Variants in NALCN observed in about 807,000 individuals in gnomAD.
NALCN encodes the protein sodium leak channel NALCN.
NALCN carries 111 observed loss-of-function variants against 225.3 expected under a neutral mutation model. That is an observed-to-expected ratio of 0.49 (90% confidence interval 0.42 to 0.58). The LOEUF (loss-of-function observed/expected upper bound fraction) is 0.58. Ranked by LOEUF, NALCN falls within the 20% of genes least tolerant of loss-of-function variation. The probability of loss-of-function intolerance (pLI) is 0.00; values close to 1 mark genes in which losing one functional copy is unlikely to be tolerated. For synonymous variants in NALCN, 764 were observed against 769.0 expected (o/e 0.99, Z 0.11); for missense variants, 1,378 against 2,202.4 (o/e 0.63, Z 7.49).
intron 10 of NALCN, among the ~76,000 whole-genome samples, chr13:101,262,355 G>A (rs998032968): frequency 2.6e-5 from 4 of 152,130 alleles, no homozygotes; most frequent in Non-Finnish European, 4.4e-5. Context: ...TCTGGGGCCC[G>A]CTGCCCACTG....
At chr13:101,175,361 A>C (rs1256694255) in intron 15 of NALCN, among the ~76,000 whole-genome samples, 1 of 152,188 alleles carries the variant, frequency 6.6e-6, no homozygotes, top group Non-Finnish European at 1.5e-5. Flanking sequence ...AGATTAAAAA[A>C]AATTAAAAAA....
chr13:101,089,742 T>A lies in NALCN; in HGVS notation c.3410A>T (p.His1137Leu). The change falls in exon 30 of 44, where the codon CAT becomes CTT. Residue 1137 changes from histidine to leucine, a missense_variant. By Grantham distance (99) the His-to-Leu change is moderately conservative. Coordinates refer to ENST00000251127, the MANE Select transcript of NALCN (RefSeq NM_052867.4). This position sits in a 1 kb window ranked among gnomAD's most constrained non-coding sequence, Gnocchi z 4.7. Reference sequence around the variant, plus strand: ...CATGCAACCCAGGAATACAAAAACATGAATATAGATTCCATGGATCTGCAT... The same window carrying A: ...CATGCAACCCAGGAATACAAAAACAAGAATATAGATTCCATGGATCTGCAT... Reference protein sequence around the residue: ...RVGPIHGIYIHVFVFLGCMIG... With the variant: ...RVGPIHGIYILVFVFLGCMIG... 6.2e-7 allele frequency: 1 copy of A among 1,614,042 alleles called. No homozygotes were observed. The highest frequency in any genetic ancestry group is 8.5e-7 in the Non-Finnish European group (1 of 1,179,916).
intron 10 of NALCN, among the ~76,000 whole-genome samples, chr13:101,278,740 A>G (rs2043048539): frequency 1.3e-5 from 2 of 152,184 alleles, no homozygotes. Flanking sequence ...CTATCCAGAG[A>G]TATCCAAAGT....
At chr13:101,116,926 C>G in intron 18 of NALCN, 1 of 514,172 alleles carries the variant, frequency 1.9e-6, no homozygotes, top group South Asian at 1.4e-5. Flanking sequence ...TTACCTGACT[C>G]CACTAGAGTG....
At chr13:101,150,448 T>C (rs1047619710) in intron 15 of NALCN, among the ~76,000 whole-genome samples, 4 of 152,212 alleles carry the variant, frequency 2.6e-5, no homozygotes, top group African/African-American at 7.2e-5. Context: ...ACTTCGGCAC[T>C]ATCAGCCACC....
chr13:101,298,486 T>C (rs2043835451), intron 7 of NALCN, among the ~76,000 whole-genome samples: 1 of 152,146 alleles, frequency 6.6e-6, no homozygotes, highest in South Asian at 2.1e-4. Context: ...CACGCCTGGC[T>C]AAGTTTTGTA....
Position 101,292,366 on chromosome 13 carries a change from C to G in NALCN, c.800G>C (p.Gly267Ala). 6.2e-7 allele frequency: 1 copy of G among 1,612,910 alleles called. No homozygotes were observed. Among genetic ancestry groups the G allele is most frequent in the African/African-American group, 1.3e-5 (1 of 74,986 alleles). Residue 267 changes from glycine (G) to alanine (A), a missense_variant and splice_region_variant, in exon 8 of 44, where the codon GGA (glycine) becomes GCA (alanine). Around this residue, in one of 19 missense-constraint regions of NALCN, gnomAD observed 67 missense variants for 82.1 expected, o/e 0.82. Transcript: ENST00000251127. This position sits in a 1 kb window ranked among gnomAD's most constrained non-coding sequence, Gnocchi z 4.3. The part of the protein sequence containing the change: ...ELGYSGFNEI[G>A]TSIFTVYEAA... The stretch of plus-strand genomic sequence containing the variant: ...CTCATAGACGGTGAATATACTAGTT[C>G]CTGTCATGACAGAGGAGGACAGACT...
intron 7 of NALCN, among the ~76,000 whole-genome samples, chr13:101,295,253 G>A (rs1248101625): frequency 6.6e-6 from 1 of 152,086 alleles, no homozygotes; most frequent in East Asian, 1.9e-4. Flanking sequence ...TGCTTTATGT[G>A]CACTGAATAT....
intron 7 of NALCN, among the ~76,000 whole-genome samples, chr13:101,328,150 C>T (rs2045028064): frequency 6.6e-6 from 1 of 152,200 alleles, no homozygotes; most frequent in African/African-American, 2.4e-5. Context: ...CCTGCCAGGA[C>T]ATAGCGTCTC....
At chr13:101,274,121 T>C (rs1322611643) in intron 10 of NALCN, among the ~76,000 whole-genome samples, 1 of 152,158 alleles carries the variant, frequency 6.6e-6, no homozygotes, top group African/African-American at 2.4e-5. Flanking sequence ...CCATCTGCCA[T>C]ATCTCAGAGA....
intron 18 of NALCN, among the ~76,000 whole-genome samples, chr13:101,120,928 T>C (rs2035945155): frequency 6.6e-6 from 1 of 152,194 alleles, no homozygotes; most frequent in African/African-American, 2.4e-5. Context: ...TAAACAGACC[T>C]CCATCCTACA....
rs745394434 is a variant in NALCN, at chr13:101,082,866, C to T, written c.3708G>A (p.Pro1236=). ...LLSVKWDVED[P]VTVPLATMSV... is the part of the protein sequence containing the mutation. ...ACATTGTTGCCAAAGGTACGGTCAC[C>T]GGGTCCTCGACGTCCCACTGCAACA... The change falls in exon 33 of 44, where the codon CCG becomes CCA. Residue 1236 remains proline, a synonymous_variant. Coordinates refer to ENST00000251127, the MANE Select transcript of NALCN (RefSeq NM_052867.4). 3.7e-6 allele frequency: 6 copies of T among 1,614,016 alleles called. No homozygotes were observed. Among genetic ancestry groups the T allele is most frequent in the Admixed American group, 1.7e-5 (1 of 60,008 alleles).
At chr13:101,286,426 T>C (rs898878249) in intron 9 of NALCN, among the ~76,000 whole-genome samples, 1 of 152,076 alleles carries the variant, frequency 6.6e-6, no homozygotes, top group Non-Finnish European at 1.5e-5. Context: ...CTCTGGGATA[T>C]GGATGTGAGG....
chr13:101,241,029 T>C (rs2041739741), intron 11 of NALCN, among the ~76,000 whole-genome samples: 1 of 152,228 alleles, frequency 6.6e-6, no homozygotes, highest in South Asian at 2.1e-4. Context: ...TGTACAGTTT[T>C]TATCTTTTGT....
intron 11 of NALCN, among the ~76,000 whole-genome samples, chr13:101,258,134 T>C (rs2042300017): frequency 6.6e-6 from 1 of 152,104 alleles, no homozygotes; most frequent in Non-Finnish European, 1.5e-5. Context: ...CAAACTAATG[T>C]ACGCTGAGAA....
chr13:101,239,834 A>G (rs2041693454), intron 11 of NALCN, among the ~76,000 whole-genome samples: 1 of 152,150 alleles, frequency 6.6e-6, no homozygotes, highest in South Asian at 2.1e-4. Context: ...TCAAAATATT[A>G]TAAGAAATCA....
chr13:101,062,180 T>C (rs1341740194), intron 40 of NALCN, 62 bp from the exon 41 acceptor site: 6 of 1,568,894 alleles, frequency 3.8e-6, no homozygotes, highest in Non-Finnish European at 5.2e-6. Flanking sequence ...CACCCTTAGA[T>C]ACGTCAAAAT....
At chr13:101,268,915 T>C (rs953900706) in intron 10 of NALCN, among the ~76,000 whole-genome samples, 1 of 152,186 alleles carries the variant, frequency 6.6e-6, no homozygotes, top group Non-Finnish European at 1.5e-5. Flanking sequence ...CCTCACACTT[T>C]GTGGCCTACA....
Position 101,089,059 on chromosome 13 carries a change from G to A in NALCN, c.3489+604C>T, listed in dbSNP as rs188396537. Among the ~76,000 whole-genome samples, 488 of 151,828 alleles carry A rather than the reference G, an allele frequency of 3.2e-3. 2 individuals are homozygous for A. The highest frequency in any genetic ancestry group is 0.011 in the African/African-American group (457 of 41,398). ...ATTACAGGCATGCGCCACCACGCCCGGCTAATTTTTGTATTTTTAGTAGAG... is the reference window on the plus strand; with the variant it reads ...ATTACAGGCATGCGCCACCACGCCCAGCTAATTTTTGTATTTTTAGTAGAG... On this transcript the variant is annotated intron_variant, in intron 30 of 43. Transcript: ENST00000251127. This position sits in a 1 kb window ranked among gnomAD's most constrained non-coding sequence, Gnocchi z 4.7.
Sources: allele counts gnomAD v4.1 joint callset (sites outside exome capture counted in the v4.1 genomes callset), GRCh38; gene constraint gnomAD v4.1.1; regional missense constraint gnomAD v4.1.1; non-coding constraint Gnocchi (gnomAD v3.1); transcripts MANE v1.5; gene names NCBI Gene and HGNC (gene_info 2026-07-23, HGNC 2026-07-21).